MFHAS1: variants seen among roughly 807,000 people sequenced by gnomAD.
MFHAS1 encodes the protein malignant fibrous histiocytoma-amplified sequence 1.
A neutral mutation model predicts 70.4 loss-of-function variants in MFHAS1; 50 were observed. The ratio of observed to expected loss-of-function variants is 0.71; its 90% CI spans 0.57 to 0.90. The LOEUF is 0.90. Among genes scored for constraint, MFHAS1 ranks in the 40% least tolerant of loss-of-function variants. The pLI is 0.00. For synonymous variants in MFHAS1, 952 were observed against 620.0 expected, an observed-to-expected ratio of 1.54 and a Z score of -7.96; for missense variants, 1,795 against 1,347.6, an observed-to-expected ratio of 1.33 and a Z score of -5.20.
intron 2 of MFHAS1, among the ~76,000 whole-genome samples, chr8:8,788,647 C>G (rs1478853565): frequency 6.6e-6 from 1 of 152,194 alleles, no homozygotes; most frequent in African/African-American, 2.4e-5. Flanking sequence ...CCAATACACT[C>G]CAGCCTGGGT....
At chr8:8,839,247 A>G (rs568243574) in intron 1 of MFHAS1, among the ~76,000 whole-genome samples, 4 of 152,276 alleles carry the variant, frequency 2.6e-5, no homozygotes, top group African/African-American at 9.6e-5. Context: ...AGAAAAATAA[A>G]GTTTTTTTTT....
At chr8:8,845,297 T>G (rs1267916915) in intron 1 of MFHAS1, among the ~76,000 whole-genome samples, 1 of 152,240 alleles carries the variant, frequency 6.6e-6, no homozygotes, top group African/African-American at 2.4e-5. Flanking sequence ...TTTAAAAAGG[T>G]GCTTTCATCA....
chr8:8,788,080 G>C (rs566092796), intron 2 of MFHAS1, among the ~76,000 whole-genome samples: 1 of 152,102 alleles, frequency 6.6e-6, no homozygotes, highest in Non-Finnish European at 1.5e-5. Context: ...TTTCTTCCCT[G>C]TGCTTACAAG....
chr8:8,891,643 C>T lies in MFHAS1; in HGVS notation c.1416G>A (p.Arg472=). 1 of 1,613,630 alleles carries T rather than the reference C, an allele frequency of 6.2e-7. No individual in the cohort carries two copies. The highest frequency in any genetic ancestry group is 8.5e-7 in the Non-Finnish European group (1 of 1,180,014). The change falls in exon 1 of 3, where the codon CGG becomes CGA. Residue 472 remains arginine (R), a synonymous_variant. Transcript: ENST00000276282. This position sits in a 1 kb window ranked among gnomAD's most constrained non-coding sequence, Gnocchi z 5.4. ...SWTADASRGL[R]FIVYDLAGDE... ...CCCCAGCTAAGTCATACACGATGAA[C>T]CGCAGGCCCCGGGAGGCATCGGCCG... is the stretch of plus-strand genomic sequence containing the variant.
At chr8:8,852,298 A>C (rs983224331) in intron 1 of MFHAS1, among the ~76,000 whole-genome samples, 1 of 152,134 alleles carries the variant, frequency 6.6e-6, no homozygotes, top group African/African-American at 2.4e-5. Flanking sequence ...ACATGGTGAA[A>C]CCTCATCTCT....
chr8:8,885,202 T>C (rs1301031760), intron 1 of MFHAS1, among the ~76,000 whole-genome samples: 3 of 152,048 alleles, frequency 2.0e-5, no homozygotes, highest in Non-Finnish European at 4.4e-5. Context: ...TGGCATGAGA[T>C]ACAAAAAGGC....
chr8:8,834,726 G>C (rs1305320473), intron 1 of MFHAS1, among the ~76,000 whole-genome samples: 2 of 152,156 alleles, frequency 1.3e-5, no homozygotes, highest in African/African-American at 4.8e-5. Context: ...ATCATTAAGG[G>C]ATGCATGACT....
chr8:8,873,801 C>T (rs12544247), intron 1 of MFHAS1, among the ~76,000 whole-genome samples: 2,785 of 152,236 alleles, frequency 0.018, 63 homozygotes, highest in Admixed American at 0.055. Flanking sequence ...AGATACAGTT[C>T]GTTCTTAATT....
intron 1 of MFHAS1, among the ~76,000 whole-genome samples, chr8:8,867,557 G>A (rs999874452): frequency 2.6e-5 from 4 of 151,564 alleles, no homozygotes; most frequent in East Asian, 1.9e-4. Flanking sequence ...ATTATAAATT[G>A]CTATACTTTT....
At chr8:8,882,753 G>C (rs1032011855) in intron 1 of MFHAS1, among the ~76,000 whole-genome samples, 1 of 152,234 alleles carries the variant, frequency 6.6e-6, no homozygotes, top group Non-Finnish European at 1.5e-5. Context: ...GGAGAAGGCA[G>C]GCCAAACAGG....
At chr8:8,846,011 G>T (rs1053780883) in intron 1 of MFHAS1, among the ~76,000 whole-genome samples, 2 of 152,046 alleles carry the variant, frequency 1.3e-5, no homozygotes, top group Non-Finnish European at 2.9e-5. Context: ...CCAGCAGTTT[G>T]GGAGGCCAAG....
At chr8:8,814,308 C>T (rs1806656477) in intron 1 of MFHAS1, among the ~76,000 whole-genome samples, 1 of 152,186 alleles carries the variant, frequency 6.6e-6, no homozygotes, top group Non-Finnish European at 1.5e-5. Flanking sequence ...TACTTACCAT[C>T]GTTGTTACAA....
rs1230191422 is a variant in MFHAS1 at position 8,892,227 on chromosome 8, G to C, written c.832C>G (p.Leu278Val). Reference protein sequence around the residue: ...QFSCLQRLKMLNLSSNLFEEF... With the variant: ...QFSCLQRLKMVNLSSNLFEEF... ...TCGAAGAGGTTGGAGGAGAGGTTGAGCATTTTGAGCCGCTGCAGGCAGCTG... is the reference window on the plus strand; with the variant it reads ...TCGAAGAGGTTGGAGGAGAGGTTGACCATTTTGAGCCGCTGCAGGCAGCTG... The change falls in exon 1 of 3, where the codon CTC becomes GTC. Residue 278 changes from leucine (L) to valine (V), a missense_variant. Leu to Val is a conservative substitution (Grantham distance 32, BLOSUM62 1). Transcript: ENST00000276282. The surrounding 1 kb of genome is among the most constrained non-coding windows in gnomAD (Gnocchi z 4.7). 1.2e-6 allele frequency: 2 copies of C among 1,611,036 alleles called. No individual in the cohort carries two copies. Among genetic ancestry groups the C allele is most frequent in the Non-Finnish European group, 1.7e-6 (2 of 1,180,044 alleles).
intron 1 of MFHAS1, among the ~76,000 whole-genome samples, chr8:8,840,644 A>G (rs1001679205): frequency 3.9e-5 from 6 of 152,118 alleles, no homozygotes; most frequent in South Asian, 2.1e-4. Flanking sequence ...TGAAGGCACA[A>G]TCTTTTAAGA....
chr8:8,878,712 G>A (rs1356948873), intron 1 of MFHAS1, among the ~76,000 whole-genome samples: 3 of 151,836 alleles, frequency 2.0e-5, no homozygotes, highest in Non-Finnish European at 2.9e-5. Flanking sequence ...CAGAAAGAGT[G>A]AGGAGGAAGG....
rs1471848811 is a variant in MFHAS1 at position 8,876,935 on chromosome 8, A to G, written c.2998+13126T>C. Reference sequence around the variant, plus strand: ...CATGACAGAGCAAGACTCAGTCAAAAAAAAAAGAAAAAAAATGAAACCACT... The same window carrying G: ...CATGACAGAGCAAGACTCAGTCAAAGAAAAAAGAAAAAAAATGAAACCACT... On this transcript the variant is annotated intron_variant, in intron 1 of 2. Coordinates refer to ENST00000276282, the MANE Select transcript of MFHAS1 (RefSeq NM_004225.3). Among the ~76,000 whole-genome samples the G allele has an allele frequency of 2.6e-5, 4 of 152,026 alleles. No individual in the cohort carries two copies. The South Asian group carries it at 6.2e-4, about 24-fold the overall frequency.
At chr8:8,858,058 T>A (rs1259883871) in intron 1 of MFHAS1, among the ~76,000 whole-genome samples, 1 of 152,162 alleles carries the variant, frequency 6.6e-6, no homozygotes, top group African/African-American at 2.4e-5. Flanking sequence ...TCTGGGTCAT[T>A]TGCCTGCCTC....
intron 1 of MFHAS1, among the ~76,000 whole-genome samples, chr8:8,823,947 T>A (rs1299745357): frequency 7.3e-6 from 1 of 137,706 alleles, no homozygotes; most frequent in Non-Finnish European, 1.5e-5. Flanking sequence ...CACAGCAGAT[T>A]TCCCTACAGG....
At chr8:8,836,633 C>A (rs576342846) in intron 1 of MFHAS1, among the ~76,000 whole-genome samples, 1 of 152,326 alleles carries the variant, frequency 6.6e-6, no homozygotes, top group South Asian at 2.1e-4. Flanking sequence ...CCACCTCAGT[C>A]TCCCAAAGTG....
Sources: gnomAD v4.1 joint callset for allele counts (sites outside exome capture counted in the v4.1 genomes callset) on GRCh38, gnomAD v4.1.1 for gene constraint, Gnocchi (gnomAD v3.1) non-coding constraint, MANE v1.5 for transcripts, NCBI Gene and HGNC (gene_info 2026-07-23, HGNC 2026-07-21) for gene names.